CSMD1: variants seen among roughly 807,000 people sequenced by gnomAD.
The protein encoded by CSMD1 is CUB and sushi domain-containing protein 1.
Under a neutral mutation model 417.5 loss-of-function variants are expected in CSMD1, and 213 were observed. The ratio of observed to expected loss-of-function variants is 0.51; its 90% confidence interval spans 0.46 to 0.57. CSMD1 has a LOEUF of 0.57. Among genes scored for constraint, CSMD1 ranks in the 20% least tolerant of loss-of-function variants. The pLI is 0.00. For synonymous variants in CSMD1, 2,862 were observed against 1,736.8 expected, an observed-to-expected ratio of 1.65 and a Z score of -16.11; for missense variants, 6,923 against 4,529.7, an observed-to-expected ratio of 1.53 and a Z score of -15.17.
At chr8:3,377,681 G>T (rs1585075761) in intron 18 of CSMD1, among the ~76,000 whole-genome samples, 1 of 152,000 alleles carries the variant, frequency 6.6e-6, no homozygotes, top group Non-Finnish European at 1.5e-5. Flanking sequence ...TCAACTCCTG[G>T]TAATTCTGCT....
intron 5 of CSMD1, among the ~76,000 whole-genome samples, chr8:3,926,584 T>A (rs1029477273): frequency 6.6e-6 from 1 of 151,980 alleles, no homozygotes. Flanking sequence ...TAACATTTAT[T>A]TCTGGTTAAT....
chr8:4,126,619 T>C (rs1802780396), intron 3 of CSMD1, among the ~76,000 whole-genome samples: 1 of 152,304 alleles, frequency 6.6e-6, no homozygotes, highest in South Asian at 2.1e-4. Flanking sequence ...ATACTGCACA[T>C]GTCCTTGAGG....
chr8:3,505,975 G>C (rs569105920), intron 10 of CSMD1, among the ~76,000 whole-genome samples: 4 of 152,200 alleles, frequency 2.6e-5, no homozygotes, highest in South Asian at 2.1e-4. Context: ...GAAGAGGGTT[G>C]AGTGGATAAA....
rs191305091 is a variant in CSMD1 at position 4,290,813 on chromosome 8, A to G, written c.415+129140T>C. On this transcript the variant is annotated intron_variant, in intron 3 of 69. Transcript: ENST00000635120. ...AAGCTTTTACTTTCAAGAAATCACAATTTGTAATTAAAATAATTCAAAGCA... is the reference window on the plus strand; with the variant it reads ...AAGCTTTTACTTTCAAGAAATCACAGTTTGTAATTAAAATAATTCAAAGCA... Among the ~76,000 whole-genome samples, 5 of 152,314 alleles carry G rather than the reference A, an allele frequency of 3.3e-5. No homozygotes were observed. In the South Asian group the frequency reaches 8.3e-4, roughly 25 times the overall value.
chr8:4,164,149 T>G (rs550463186), intron 3 of CSMD1, among the ~76,000 whole-genome samples: 8 of 152,120 alleles, frequency 5.3e-5, no homozygotes, highest in African/African-American at 1.9e-4. Context: ...TCTCTTAAAA[T>G]GTAATCATTA....
intron 5 of CSMD1, among the ~76,000 whole-genome samples, chr8:3,898,916 CTATT>C (rs1807542891): frequency 6.6e-6 from 1 of 152,130 alleles, no homozygotes; most frequent in African/African-American, 2.4e-5. Flanking sequence ...TGTAGTGACT[CTATT>C]CAAGAACCTC....
intron 1 of CSMD1, among the ~76,000 whole-genome samples, chr8:4,963,324 T>C (rs764558381): frequency 6.6e-6 from 1 of 152,118 alleles, no homozygotes; most frequent in Non-Finnish European, 1.5e-5. Context: ...CTCAGCCTTC[T>C]GAGTAGCTGG....
At chr8:3,832,178 C>T (rs1268758472) in intron 5 of CSMD1, among the ~76,000 whole-genome samples, 6 of 152,094 alleles carry the variant, frequency 3.9e-5, no homozygotes, top group South Asian at 2.1e-4. Flanking sequence ...GGCAAACAGC[C>T]GTGGAGGCTG....
At chr8:4,347,032 A>G (rs771263141) in intron 3 of CSMD1, among the ~76,000 whole-genome samples, 4 of 152,030 alleles carry the variant, frequency 2.6e-5, no homozygotes, top group Non-Finnish European at 4.4e-5. Flanking sequence ...TCATTTTATT[A>G]TTTCCTCTAA....
intron 50 of CSMD1, among the ~76,000 whole-genome samples, chr8:3,044,718 A>G (rs1300557126): frequency 6.6e-6 from 1 of 152,230 alleles, no homozygotes; most frequent in Non-Finnish European, 1.5e-5. Context: ...ATTCCTTATT[A>G]TAACCTTCAT....
chr8:4,734,316 T>C (rs1356736288), intron 1 of CSMD1, among the ~76,000 whole-genome samples: 2 of 152,176 alleles, frequency 1.3e-5, no homozygotes, highest in Admixed American at 6.5e-5. Context: ...TTATTGTTTA[T>C]GGATGTGAAT....
intron 3 of CSMD1, among the ~76,000 whole-genome samples, chr8:4,113,634 G>C (rs1409535319): frequency 1.3e-5 from 2 of 151,996 alleles, no homozygotes; most frequent in African/African-American, 4.8e-5. Context: ...TTGAACTCCT[G>C]ACCTCCTGAT....
intron 5 of CSMD1, among the ~76,000 whole-genome samples, chr8:3,950,885 A>G (rs755610345): frequency 1.4e-4 from 22 of 152,284 alleles, no homozygotes; most frequent in East Asian, 9.6e-4. Context: ...TTTCTCTTTC[A>G]AAGAATACTT....
At chr8:3,190,967 G>A (rs758151101) in intron 33 of CSMD1, among the ~76,000 whole-genome samples, 1 of 152,176 alleles carries the variant, frequency 6.6e-6, no homozygotes, top group Non-Finnish European at 1.5e-5. Context: ...GGGGGCTGGG[G>A]AACAGGAAAA....
At chr8:3,575,481 G>C (rs189230626) in intron 9 of CSMD1, among the ~76,000 whole-genome samples, 3 of 152,078 alleles carry the variant, frequency 2.0e-5, no homozygotes, top group Non-Finnish European at 4.4e-5. Flanking sequence ...GAAAGGCACC[G>C]CCGAGTGCAA....
At chr8:3,307,569 G>GCTTTACCTTTT in intron 25 of CSMD1, 126 bp downstream of exon 25, 1 of 1,148,094 alleles carries the variant, frequency 8.7e-7, no homozygotes, top group Non-Finnish European at 1.2e-6. Flanking sequence ...TTTAGCTACA[G>GCTTTACCTTTT]CTTTACCTTT....
At chr8:4,619,644 G>C (rs1342819845) in intron 2 of CSMD1, among the ~76,000 whole-genome samples, 1 of 152,034 alleles carries the variant, frequency 6.6e-6, no homozygotes, top group East Asian at 1.9e-4. Context: ...AGCCACATGG[G>C]ACGTCATATT....
intron 2 of CSMD1, among the ~76,000 whole-genome samples, chr8:4,567,139 C>G (rs1305769528): frequency 3.3e-5 from 5 of 152,162 alleles, no homozygotes; most frequent in Non-Finnish European, 5.9e-5. Flanking sequence ...CACAGCCCTA[C>G]TCAGAGTATT....
At chr8:4,054,356 T>A (rs1798584573) in intron 3 of CSMD1, among the ~76,000 whole-genome samples, 1 of 152,168 alleles carries the variant, frequency 6.6e-6, no homozygotes, top group African/African-American at 2.4e-5. Context: ...GATCTATCTC[T>A]GTTGCCTTCA....
Sources: allele counts gnomAD v4.1 joint callset (sites outside exome capture counted in the v4.1 genomes callset), GRCh38; gene constraint gnomAD v4.1.1; transcripts MANE v1.5; gene names NCBI Gene and HGNC (gene_info 2026-07-23, HGNC 2026-07-21).